Variants in ANKFN1 observed in about 807,000 individuals in gnomAD.
ANKFN1 encodes the protein ankyrin repeat and fibronectin type III domain containing 1.
Under a neutral mutation model 108.7 loss-of-function variants are expected in ANKFN1, and 74 were observed. The ratio of observed to expected loss-of-function variants is 0.68; its 90% CI spans 0.56 to 0.83. ANKFN1 has a LOEUF of 0.83. Ranked by LOEUF, ANKFN1 falls within the 40% of genes least tolerant of loss-of-function variation. The pLI, the probability that ANKFN1 is intolerant of heterozygous loss-of-function variation, is 0.00. For synonymous variants in ANKFN1, 547 were observed against 516.2 expected (o/e 1.06, Z -0.81); for missense variants, 1,505 against 1,382.3 (o/e 1.09, Z -1.41).
intron 8 of ANKFN1, among the ~76,000 whole-genome samples, chr17:56,419,017 G>A (rs2048321072): frequency 6.6e-6 from 1 of 152,174 alleles, no homozygotes; most frequent in Admixed American, 6.5e-5. Flanking sequence ...TTAGGACTTT[G>A]CTACTTCTAC....
At chr17:56,306,064 A>G (rs898545012) in intron 3 of ANKFN1, among the ~76,000 whole-genome samples, 2 of 152,210 alleles carry the variant, frequency 1.3e-5, no homozygotes, top group African/African-American at 4.8e-5. Flanking sequence ...ATAGATACAC[A>G]GTAACTCTTG....
rs1422505822 is a variant in ANKFN1 at position 56,513,267 on chromosome 17, A to T, written c.*1998A>T. Reference sequence around the variant, plus strand: ...GATCATCTACCTACTTCTGATTTCAAATTCAACCTTTACCTAACAAGTTTC... The same window carrying T: ...GATCATCTACCTACTTCTGATTTCATATTCAACCTTTACCTAACAAGTTTC... On this transcript the variant is annotated 3_prime_UTR_variant, in exon 21 of 21. Coordinates refer to ENST00000682825, the MANE Select transcript of ANKFN1 (RefSeq NM_001370326.1). 6.6e-6 allele frequency among the ~76,000 whole-genome samples: 1 copy of T among 152,206 alleles called. No homozygotes were observed. The highest frequency in any genetic ancestry group is 1.5e-5 in the Non-Finnish European group (1 of 68,022).
intron 1 of ANKFN1, among the ~76,000 whole-genome samples, chr17:56,164,554 GAATT>G (rs1222484187): frequency 6.6e-6 from 1 of 152,090 alleles, no homozygotes; most frequent in East Asian, 1.9e-4. Flanking sequence ...ATGAAGAAAT[GAATT>G]AATTAAGTGA....
At chr17:56,461,070 C>A (rs1172738746) in intron 14 of ANKFN1, among the ~76,000 whole-genome samples, 1 of 152,192 alleles carries the variant, frequency 6.6e-6, no homozygotes. Flanking sequence ...AGTGTGGAAC[C>A]CACAGTGTTT....
intron 4 of ANKFN1, among the ~76,000 whole-genome samples, chr17:56,134,616 A>G (rs992584712): frequency 1.3e-5 from 2 of 152,182 alleles, no homozygotes; most frequent in African/African-American, 4.8e-5. Context: ...TGTTCAGGAA[A>G]TTGCAAGGGT....
chr17:56,486,618 G>A (rs969221356), intron 18 of ANKFN1, among the ~76,000 whole-genome samples: 3 of 152,112 alleles, frequency 2.0e-5, no homozygotes, highest in Non-Finnish European at 4.4e-5. Flanking sequence ...TCTCTAAGAA[G>A]GATGCTAAGC....
intron 15 of ANKFN1, among the ~76,000 whole-genome samples, chr17:56,469,917 A>G (rs576786580): frequency 6.6e-6 from 1 of 151,700 alleles, no homozygotes; most frequent in Non-Finnish European, 1.5e-5. Context: ...TGCATTAGCT[A>G]TTTTTCCTGA....
At chr17:56,325,983 C>G (rs1188917669) in intron 3 of ANKFN1, among the ~76,000 whole-genome samples, 1 of 152,186 alleles carries the variant, frequency 6.6e-6, no homozygotes, top group Non-Finnish European at 1.5e-5. Flanking sequence ...ATACAATAGG[C>G]TAAGCACACA....
chr17:56,229,350 A>T (rs1239672899), intron 3 of ANKFN1, among the ~76,000 whole-genome samples: 1 of 152,036 alleles, frequency 6.6e-6, no homozygotes, highest in Non-Finnish European at 1.5e-5. Context: ...ACAAATGTTA[A>T]CTTTTGACTG....
At chr17:56,219,028 A>G (rs1915649636) in intron 2 of ANKFN1, among the ~76,000 whole-genome samples, 1 of 152,190 alleles carries the variant, frequency 6.6e-6, no homozygotes, top group African/African-American at 2.4e-5. Context: ...ATTTTCTAAT[A>G]GGTCTCATAT....
intron 4 of ANKFN1, among the ~76,000 whole-genome samples, chr17:56,111,331 C>T (rs1193502955): frequency 6.6e-6 from 1 of 152,132 alleles, no homozygotes; most frequent in Non-Finnish European, 1.5e-5. Context: ...GCATCTTTCC[C>T]AGGCACACAT....
intron 1 of ANKFN1, among the ~76,000 whole-genome samples, chr17:56,179,422 T>A (rs760876679): frequency 6.6e-6 from 1 of 152,152 alleles, no homozygotes; most frequent in African/African-American, 2.4e-5. Flanking sequence ...CCTGCCCTGT[T>A]TGAAATGCAG....
In ANKFN1 at chr17:56,511,235, C is replaced by G; in HGVS notation, c.3407C>G (p.Ser1136Cys). Residue 1136 changes from serine (S) to cysteine (C), a missense_variant, in exon 21 of 21, where the codon TCT becomes TGT. Physicochemically the swap from Ser to Cys is moderately radical, Grantham distance 112. Coordinates refer to ENST00000682825, the MANE Select transcript of ANKFN1 (RefSeq NM_001370326.1). ...PDVSQEGPTA[S>C]PMSEILSSML Reference sequence around the variant, plus strand: ...GTGAGTCAGGAGGGCCCCACCGCCTCTCCCATGTCAGAAATACTCAGCAGC... The same window carrying G: ...GTGAGTCAGGAGGGCCCCACCGCCTGTCCCATGTCAGAAATACTCAGCAGC... 6.5e-7 allele frequency: 1 copy of G among 1,532,674 alleles called. No homozygotes were observed. Among genetic ancestry groups the G allele is most frequent in the Non-Finnish European group, 8.7e-7 (1 of 1,144,636 alleles). The allele number at this position is 1,532,674 out of a possible 1,614,324, so 94.9% of individuals were successfully genotyped here.
intron 6 of ANKFN1, among the ~76,000 whole-genome samples, chr17:56,358,303 A>C (rs1171671133): frequency 6.6e-6 from 1 of 152,172 alleles, no homozygotes; most frequent in Non-Finnish European, 1.5e-5. Flanking sequence ...TCTTAACAGG[A>C]ATCACCGTGA....
intron 2 of ANKFN1, among the ~76,000 whole-genome samples, chr17:56,221,710 A>G (rs1647328795): frequency 1.3e-5 from 2 of 152,244 alleles, no homozygotes; most frequent in South Asian, 4.1e-4. Flanking sequence ...TTTCGAACAC[A>G]GTTATCTGTA....
intron 8 of ANKFN1, among the ~76,000 whole-genome samples, chr17:56,411,741 A>T (rs2048096708): frequency 6.6e-6 from 1 of 152,158 alleles, no homozygotes; most frequent in Admixed American, 6.5e-5. Flanking sequence ...ATCTATTGAG[A>T]TAATCATATG....
chr17:56,050,025 C>T (rs1174000856), intron 4 of ANKFN1, among the ~76,000 whole-genome samples: 1 of 152,010 alleles, frequency 6.6e-6, no homozygotes, highest in Non-Finnish European at 1.5e-5. Flanking sequence ...AAAAGTGTTC[C>T]TATTTCTTCA....
chr17:56,424,373 G>T (rs1484970131), intron 8 of ANKFN1, among the ~76,000 whole-genome samples: 1 of 152,162 alleles, frequency 6.6e-6, no homozygotes, highest in African/African-American at 2.4e-5. Context: ...ACAGACCTGG[G>T]TTCAAAATCT....
chr17:56,145,285 G>T (rs1056511604), intron 4 of ANKFN1, among the ~76,000 whole-genome samples: 2 of 152,200 alleles, frequency 1.3e-5, no homozygotes, highest in African/African-American at 4.8e-5. Flanking sequence ...AAGGGAGTCA[G>T]AAAAATAGAA....
Sources: allele counts gnomAD v4.1 joint callset (sites outside exome capture counted in the v4.1 genomes callset), GRCh38; gene constraint gnomAD v4.1.1; transcripts MANE v1.5; gene names NCBI Gene and HGNC (gene_info 2026-07-23, HGNC 2026-07-21).